DCTN4: variants seen among roughly 807,000 people sequenced by gnomAD.
The protein encoded by DCTN4 is dynactin 4 (p62).
A neutral mutation model predicts 62.7 loss-of-function variants in DCTN4; 23 were observed. That is an observed-to-expected ratio of 0.37 (90% confidence interval 0.26 to 0.52). The LOEUF is 0.52. Ranked by LOEUF, DCTN4 falls within the 20% of genes least tolerant of loss-of-function variation. DCTN4 has a pLI of 0.92. For missense variants in DCTN4, 514 were observed against 580.4 expected (o/e 0.89, Z 1.18); for synonymous variants, 199 against 202.1 (o/e 0.98, Z 0.13).
At chr5:150,745,234 G>A (rs1760916619) in intron 3 of DCTN4, among the ~76,000 whole-genome samples, 1 of 149,984 alleles carries the variant, frequency 6.7e-6, no homozygotes, top group Non-Finnish European at 1.5e-5. Context: ...TCAACAAGAA[G>A]CGCTAACTAT....
chr5:150,720,314 G>A (rs1561690773), intron 9 of DCTN4, among the ~76,000 whole-genome samples: 1 of 152,108 alleles, frequency 6.6e-6, no homozygotes, highest in Non-Finnish European at 1.5e-5. Flanking sequence ...ATGGTGACCA[G>A]CAGGATTACC....
intron 3 of DCTN4, among the ~76,000 whole-genome samples, chr5:150,746,504 A>G (rs1376887963): frequency 2.0e-5 from 3 of 152,164 alleles, no homozygotes; most frequent in African/African-American, 7.2e-5. Flanking sequence ...ATTTTAGACC[A>G]ATATCCTTGA....
intron 4 of DCTN4, among the ~76,000 whole-genome samples, chr5:150,737,189 A>G (rs1054390275): frequency 7.9e-5 from 12 of 152,216 alleles, no homozygotes; most frequent in African/African-American, 2.9e-4. Flanking sequence ...CGCTCCACCA[A>G]CAGCACTAGA....
intron 3 of DCTN4, among the ~76,000 whole-genome samples, chr5:150,748,073 T>C (rs1370298136): frequency 6.6e-6 from 1 of 151,656 alleles, no homozygotes; most frequent in African/African-American, 2.4e-5. Context: ...GAATCTACAA[T>C]GAACTCAAAC....
intron 3 of DCTN4, among the ~76,000 whole-genome samples, chr5:150,749,608 G>A (rs1323135201): frequency 6.6e-6 from 1 of 151,878 alleles, no homozygotes; most frequent in Non-Finnish European, 1.5e-5. Context: ...TAGAGTCCAG[G>A]AGTTGGAGAC....
chr5:150,750,407 T>C (rs1283498118), intron 3 of DCTN4, among the ~76,000 whole-genome samples: 1 of 152,206 alleles, frequency 6.6e-6, no homozygotes, highest in East Asian at 1.9e-4. Flanking sequence ...CTAAATCATT[T>C]TGGAGTGCTA....
intron 6 of DCTN4, 71 bp from the exon 7 acceptor site, chr5:150,731,227 C>T (rs1030580504): frequency 1.8e-6 from 2 of 1,108,748 alleles, no homozygotes; most frequent in Non-Finnish European, 2.8e-6. Flanking sequence ...TGATTATCCT[C>T]AGTCTATGAT....
At chr5:150,746,771 T>G (rs1561707488) in intron 3 of DCTN4, among the ~76,000 whole-genome samples, 2 of 152,168 alleles carry the variant, frequency 1.3e-5, no homozygotes, top group Admixed American at 6.5e-5. Flanking sequence ...ATAAATTCGG[T>G]ATTGATGGGA....
chr5:150,752,560 T>C (rs1752714394), intron 3 of DCTN4, among the ~76,000 whole-genome samples: 1 of 152,196 alleles, frequency 6.6e-6, no homozygotes, highest in African/African-American at 2.4e-5. Flanking sequence ...ACTACCATAG[T>C]GTATGAGAGA....
At chr5:150,712,028 TTTCTC>T (rs1759585915) in intron 12 of DCTN4, among the ~76,000 whole-genome samples, 2 of 152,358 alleles carry the variant, frequency 1.3e-5, no homozygotes, top group Admixed American at 1.3e-4. Flanking sequence ...GCTGACAACT[TTTCTC>T]TATTATAAAC....
chr5:150,732,760 T>C (rs2113063663), intron 5 of DCTN4, among the ~76,000 whole-genome samples: 1 of 152,184 alleles, frequency 6.6e-6, no homozygotes, highest in South Asian at 2.1e-4. Flanking sequence ...AAACTCGGGG[T>C]AAAATAACAA....
In DCTN4 at chr5:150,729,042, C is replaced by CCTTTTTTTTTT. The variant is rs762124472; in HGVS notation, c.834+1588_834+1589insAAAAAAAAAAG. ...ACAAGTGTGTGAACCACCACACTGG[C>CCTTTTTTTTTT]TTTTTTTTTTTTTTTTTTTTTTTTT... On this transcript the variant is annotated intron_variant, in intron 8 of 12. Coordinates refer to ENST00000447998, the MANE Select transcript of DCTN4 (RefSeq NM_016221.4). 1.8e-3 allele frequency among the ~76,000 whole-genome samples: 94 copies of CCTTTTTTTTTT among 52,158 alleles called. 15 individuals carry two copies. Among genetic ancestry groups the CCTTTTTTTTTT allele is most frequent in the South Asian group, 3.1e-3 (5 of 1,588 alleles). 34.2% of individuals were successfully genotyped at this position (52,158 alleles called of 152,430 possible). A position where few individuals can be genotyped will look rare whatever the true frequency, so the allele number is the denominator to read the frequency against.
intron 8 of DCTN4, among the ~76,000 whole-genome samples, chr5:150,729,749 G>C (rs1760290361): frequency 6.6e-6 from 1 of 151,976 alleles, no homozygotes; most frequent in Admixed American, 6.6e-5. Context: ...AGCTTCCAGA[G>C]TAGCTGGGAC....
intron 4 of DCTN4, among the ~76,000 whole-genome samples, chr5:150,738,006 G>A (rs1185235439): frequency 1.3e-5 from 2 of 151,966 alleles, no homozygotes; most frequent in African/African-American, 4.8e-5. Context: ...ACACAAACTG[G>A]AAAACCTAGA....
intron 2 of DCTN4, among the ~76,000 whole-genome samples, chr5:150,755,827 CA>C (rs1392553175): frequency 6.6e-6 from 1 of 152,060 alleles, no homozygotes; most frequent in African/African-American, 2.4e-5. Context: ...TTAATTGTAA[CA>C]AATATACCAC....
rs376873013 is a variant in DCTN4, at chr5:150,718,698, C to T, written c.964-315G>A. ...TAAAACTCTTGTCTCACCCAGGCTGCCACTTAAGGACTGAAAAGGAGGCCC... is the reference window on the plus strand; with the variant it reads ...TAAAACTCTTGTCTCACCCAGGCTGTCACTTAAGGACTGAAAAGGAGGCCC... On this transcript the variant is annotated intron_variant, in intron 10 of 12. Coordinates refer to ENST00000447998, the MANE Select transcript of DCTN4 (RefSeq NM_016221.4). Among the ~76,000 whole-genome samples, 15 of 152,180 alleles carry T rather than the reference C, an allele frequency of 9.9e-5. No homozygotes were observed. The East Asian group carries it at 2.1e-3, about 22-fold the overall frequency.
intron 2 of DCTN4, chr5:150,755,485 A>G (rs776282945): frequency 2.9e-4 from 131 of 455,918 alleles, no homozygotes; most frequent in Non-Finnish European, 4.3e-4. Context: ...GTGACAAGTC[A>G]TAAGTATTTA....
intron 11 of DCTN4, among the ~76,000 whole-genome samples, chr5:150,716,802 C>T (rs1759774211): frequency 6.6e-6 from 1 of 151,760 alleles, no homozygotes; most frequent in African/African-American, 2.4e-5. Flanking sequence ...GCCTGTAATC[C>T]CAGCTACTTG....
intron 1 of DCTN4, among the ~76,000 whole-genome samples, chr5:150,757,297 A>C (rs189979551): frequency 3.3e-5 from 5 of 152,336 alleles, no homozygotes; most frequent in African/African-American, 1.2e-4. Context: ...TAACCTCTGC[A>C]CTGACTCATC....
Sources: gnomAD v4.1 joint callset for allele counts (sites outside exome capture counted in the v4.1 genomes callset) on GRCh38, gnomAD v4.1.1 for gene constraint, MANE v1.5 for transcripts, NCBI Gene and HGNC (gene_info 2026-07-23, HGNC 2026-07-21) for gene names.